The following DLC1 variants were observed in gnomAD, a reference collection of about 807,000 sequenced individuals.
The protein encoded by DLC1 is DLC1 Rho GTPase activating protein.
DLC1 carries 54 observed loss-of-function variants against 140.3 expected under a neutral mutation model. That is an observed-to-expected ratio of 0.38 (90% CI 0.31 to 0.48). The LOEUF is 0.48. DLC1 is among the 20% of genes least tolerant of loss of function. The probability of loss-of-function intolerance (pLI) is 0.96; values close to 1 mark genes in which losing one functional copy is unlikely to be tolerated. For missense variants in DLC1, 2,536 were observed against 1,907.0 expected, an observed-to-expected ratio of 1.33 and a Z score of -6.14; for synonymous variants, 986 against 728.1, an observed-to-expected ratio of 1.35 and a Z score of -5.70.
Position 13,314,419 on chromosome 8 carries a change from T to G in DLC1, c.1315-9117A>C, listed in dbSNP as rs900756663. Among the ~76,000 whole-genome samples the G allele has an allele frequency of 7.3e-5, 11 of 151,492 alleles. 1 individual carries two copies. The highest frequency in any genetic ancestry group is 6.6e-4 in the Admixed American group (10 of 15,192). On this transcript the variant is annotated intron_variant, in intron 4 of 17. Coordinates refer to ENST00000276297, the MANE Select transcript of DLC1 (RefSeq NM_182643.3). ...GTTTACAGTTTAACAGAATAGCATA[T>G]AATATCTAGCTAAGAAACAAAACAA... is the stretch of plus-strand genomic sequence containing the variant.
intron 2 of DLC1, among the ~76,000 whole-genome samples, chr8:13,460,453 T>C (rs1356765627): frequency 6.6e-6 from 1 of 152,184 alleles, no homozygotes; most frequent in Non-Finnish European, 1.5e-5. Flanking sequence ...TTAGACCTGA[T>C]TGTGTGTGGG....
intron 2 of DLC1, among the ~76,000 whole-genome samples, chr8:13,402,747 T>C (rs1175108992): frequency 6.6e-6 from 1 of 152,222 alleles, no homozygotes; most frequent in African/African-American, 2.4e-5. Flanking sequence ...TGAAAATTGA[T>C]GATGGCCTGA....
At chr8:13,366,280 C>T (rs1018398835) in intron 4 of DLC1, among the ~76,000 whole-genome samples, 4 of 152,164 alleles carry the variant, frequency 2.6e-5, no homozygotes, top group Non-Finnish European at 5.9e-5. Flanking sequence ...GGATTGTAAT[C>T]TACTTTAATT....
Position 13,094,898 on chromosome 8 carries a change from A to G in DLC1, c.3387T>C (p.Asn1129=). 2 of 1,614,222 alleles carry G rather than the reference A, an allele frequency of 1.2e-6. No homozygotes were observed. Among genetic ancestry groups the G allele is most frequent in the Non-Finnish European group, 1.7e-6 (2 of 1,180,038 alleles). Residue 1129 remains asparagine, a synonymous_variant, in exon 12 of 18, where the codon AAT becomes AAC. Transcript: ENST00000276297. ...AGTTGACACAGTCTATGGCACCTTCATTCATCTGGCGCAGAGCCTGAATCC... is the reference window on the plus strand; with the variant it reads ...AGTTGACACAGTCTATGGCACCTTCGTTCATCTGGCGCAGAGCCTGAATCC... ...KSRIQALRQM[N]EGAIDCVNYE...
At chr8:13,478,436 C>A (rs1394749468) in intron 2 of DLC1, among the ~76,000 whole-genome samples, 3 of 152,194 alleles carry the variant, frequency 2.0e-5, no homozygotes, top group Non-Finnish European at 4.4e-5. Context: ...TGGACAGGGA[C>A]ACATATTCAA....
chr8:13,357,265 T>C (rs151158295), intron 4 of DLC1, among the ~76,000 whole-genome samples: 1 of 152,042 alleles, frequency 6.6e-6, no homozygotes, highest in Non-Finnish European at 1.5e-5. Context: ...AGTGAGAGTC[T>C]GTCAAACTGA....
At chr8:13,558,271 C>T (rs989634823) in intron 1 of DLC1, 1 of 152,112 alleles carries the variant, frequency 6.6e-6, no homozygotes, top group Non-Finnish European at 1.5e-5. Context: ...TCAGCTTTCA[C>T]ACAGTGAAAA....
In DLC1 at chr8:13,431,281, A is replaced by T. The variant is rs142899956; in HGVS notation, c.1024-29662T>A. Among the ~76,000 whole-genome samples, 69 of 152,098 alleles carry T rather than the reference A, an allele frequency of 4.5e-4. 1 individual carries two copies. Among genetic ancestry groups the T allele is most frequent in the African/African-American group, 1.6e-3 (68 of 41,480 alleles). On this transcript the variant is annotated intron_variant, in intron 2 of 17. Transcript: ENST00000276297. Reference sequence around the variant, plus strand: ...GGCGGATCACGAGGTCAGGAGATCGAGACCATCTTGGCTAACACGGTGAAA... The same window carrying T: ...GGCGGATCACGAGGTCAGGAGATCGTGACCATCTTGGCTAACACGGTGAAA...
intron 5 of DLC1, among the ~76,000 whole-genome samples, chr8:13,180,255 C>A (rs1263554613): frequency 1.3e-5 from 2 of 152,202 alleles, no homozygotes; most frequent in African/African-American, 2.4e-5. Flanking sequence ...AGCATTTACT[C>A]CATTACTTAT....
chr8:13,444,206 A>G (rs1475041280), intron 2 of DLC1, among the ~76,000 whole-genome samples: 1 of 152,126 alleles, frequency 6.6e-6, no homozygotes, highest in Non-Finnish European at 1.5e-5. Flanking sequence ...ATTGACAGAC[A>G]ACCAAATACC....
At chr8:13,448,804 T>A (rs907421988) in intron 2 of DLC1, among the ~76,000 whole-genome samples, 3 of 152,210 alleles carry the variant, frequency 2.0e-5, no homozygotes, top group Non-Finnish European at 2.9e-5. Context: ...ACAGATTAGG[T>A]CATTTCTAAT....
chr8:13,459,538 C>G (rs1362222456), intron 2 of DLC1, among the ~76,000 whole-genome samples: 4 of 152,134 alleles, frequency 2.6e-5, no homozygotes, highest in Non-Finnish European at 5.9e-5. Flanking sequence ...TAAGTATTGT[C>G]TCTCTGTTCA....
At chr8:13,598,413 T>C (rs1362255503) in intron 1 of DLC1, among the ~76,000 whole-genome samples, 1 of 151,692 alleles carries the variant, frequency 6.6e-6, no homozygotes. Context: ...TCAGTTTCAT[T>C]GTTTACACAG....
At chr8:13,359,117 T>G (rs1421735918) in intron 4 of DLC1, among the ~76,000 whole-genome samples, 2 of 152,152 alleles carry the variant, frequency 1.3e-5, no homozygotes, top group Non-Finnish European at 2.9e-5. Flanking sequence ...TTTTTCGTAT[T>G]TTTAGTAGAG....
chr8:13,361,052 G>A (rs959367031), intron 4 of DLC1, among the ~76,000 whole-genome samples: 4 of 152,000 alleles, frequency 2.6e-5, no homozygotes, highest in South Asian at 2.1e-4. Context: ...GCAACATGGC[G>A]AAACCCTGTC....
At chr8:13,363,259 C>T (rs1185299158) in intron 4 of DLC1, among the ~76,000 whole-genome samples, 1 of 152,168 alleles carries the variant, frequency 6.6e-6, no homozygotes, top group Non-Finnish European at 1.5e-5. Flanking sequence ...TATTTGCTCC[C>T]TGAGGGCAGA....
At chr8:13,338,008 G>A (rs1833879083) in intron 4 of DLC1, among the ~76,000 whole-genome samples, 1 of 152,162 alleles carries the variant, frequency 6.6e-6, no homozygotes, top group Non-Finnish European at 1.5e-5. Flanking sequence ...AGTGTTCCTA[G>A]CCAGATAGTA....
intron 5 of DLC1, among the ~76,000 whole-genome samples, chr8:13,280,252 C>T (rs954374331): frequency 2.9e-5 from 4 of 136,436 alleles, no homozygotes; most frequent in Non-Finnish European, 6.1e-5. Flanking sequence ...CGCACCACTG[C>T]ACTCCAGCCT....
intron 1 of DLC1, among the ~76,000 whole-genome samples, chr8:13,561,609 T>C (rs1241403901): frequency 2.6e-5 from 4 of 152,212 alleles, no homozygotes; most frequent in Admixed American, 6.5e-5. Flanking sequence ...TTGTTCTTTA[T>C]TAATTTATTT....
Sources: gnomAD v4.1 joint callset for allele counts (sites outside exome capture counted in the v4.1 genomes callset) on GRCh38, gnomAD v4.1.1 for gene constraint, MANE v1.5 for transcripts, NCBI Gene and HGNC (gene_info 2026-07-23, HGNC 2026-07-21) for gene names.